Variants in PTCH1 observed in about 807,000 individuals in gnomAD.
PTCH1 encodes the protein protein patched homolog 1.
A neutral mutation model predicts 144.6 loss-of-function variants in PTCH1; 14 were observed. That is an observed-to-expected ratio of 0.10 (90% CI 0.06 to 0.15). PTCH1 has a LOEUF of 0.15. Ranked by LOEUF, PTCH1 falls within the 10% of genes least tolerant of loss-of-function variation. The pLI, the probability that PTCH1 is intolerant of heterozygous loss-of-function variation, is 1.00. For synonymous variants in PTCH1, 833 were observed against 793.6 expected (o/e 1.05, Z -0.83); for missense variants, 1,623 against 1,948.3 (o/e 0.83, Z 3.14).
intron 8 of PTCH1, 21 bp downstream of exon 8, chr9:95,478,979 C>T (rs2118363231): frequency 6.2e-7 from 1 of 1,614,138 alleles, no homozygotes; most frequent in Non-Finnish European, 8.5e-7. Context: ...AGTCTGCACG[C>T]CGATTCGAAG....
chr9:95,487,357 G>A (rs929068496), intron 2 of PTCH1, among the ~76,000 whole-genome samples: 1 of 152,182 alleles, frequency 6.6e-6, no homozygotes, highest in Non-Finnish European at 1.5e-5. Flanking sequence ...ATGCCAGGGG[G>A]CATTGCCGAG....
intron 2 of PTCH1, among the ~76,000 whole-genome samples, chr9:95,489,915 C>T (rs572932881): frequency 6.6e-6 from 1 of 151,738 alleles, no homozygotes; most frequent in South Asian, 2.1e-4. Flanking sequence ...ATTCTCCTGC[C>T]TAAGCCTCCC....
rs77120155 is a variant in PTCH1 at position 95,498,978 on chromosome 9, G to T, written c.394+7429C>A. The stretch of plus-strand genomic sequence containing the variant: ...AAGCTCCATGTGCCCACTGGCTTTG[G>T]TGGGAGTTCTAAGCAAGGAAGACCT... On this transcript the variant is annotated intron_variant, in intron 2 of 23. Transcript: ENST00000331920. Among the ~76,000 whole-genome samples the T allele has an allele frequency of 6.7e-3, 1,015 of 152,286 alleles. 15 individuals are homozygous for T. Among genetic ancestry groups the T allele is most frequent in the African/African-American group, 0.024 (978 of 41,540 alleles).
chr9:95,456,476 G>C (rs1287495132), intron 18 of PTCH1, 63 bp from the exon 19 acceptor site: 4 of 1,586,540 alleles, frequency 2.5e-6, no homozygotes, highest in Non-Finnish European at 3.4e-6. Flanking sequence ...GCCCACAAGG[G>C]AGGTCGCCAG....
upstream of PTCH1, among the ~76,000 whole-genome samples, chr9:95,511,174 A>C (rs1214436165): frequency 6.7e-6 from 1 of 149,928 alleles, no homozygotes; most frequent in East Asian, 1.9e-4. Flanking sequence ...CGCGCCGGCC[A>C]CCGGGGCGGT....
chr9:95,448,234 G>A (rs1408252038), intron 22 of PTCH1, among the ~76,000 whole-genome samples: 10 of 152,340 alleles, frequency 6.6e-5, no homozygotes, highest in East Asian at 1.9e-4. Flanking sequence ...GGGCGTCGTC[G>A]CGGGGGGTAG....
chr9:95,505,860 G>C (rs1188899356), intron 2 of PTCH1, among the ~76,000 whole-genome samples: 1 of 148,988 alleles, frequency 6.7e-6, no homozygotes, highest in Non-Finnish European at 1.5e-5. Flanking sequence ...ACACGCCGCC[G>C]CCTCCGCAGC....
At chr9:95,462,121 CCT>C (rs1839540872) in intron 15 of PTCH1, 123 bp from the exon 16 acceptor site, 3 of 1,094,732 alleles carry the variant, frequency 2.7e-6, no homozygotes, top group African/African-American at 3.1e-5. Context: ...AGAAACACAC[CCT>C]CTGTGTCCCA....
chr9:95,512,741 G>C (rs1844215940), upstream of PTCH1, among the ~76,000 whole-genome samples: 2 of 152,324 alleles, frequency 1.3e-5, no homozygotes, highest in South Asian at 4.1e-4. Context: ...GACTGGGGCA[G>C]CCAGACCTGC....
chr9:95,472,764 A>G (rs1326549172), intron 12 of PTCH1, among the ~76,000 whole-genome samples: 2 of 152,292 alleles, frequency 1.3e-5, no homozygotes, highest in African/African-American at 4.8e-5. Context: ...CATCTTACTG[A>G]CTTTCTCATA....
At chr9:95,470,773 G>A (rs1245961328) in intron 12 of PTCH1, among the ~76,000 whole-genome samples, 2 of 152,074 alleles carry the variant, frequency 1.3e-5, no homozygotes, top group Admixed American at 1.3e-4. Flanking sequence ...GCCAGACATG[G>A]CTTTGAAAAT....
At chr9:95,507,351 C>G in intron 1 of PTCH1, 2 of 985,382 alleles carry the variant, frequency 2.0e-6, no homozygotes, top group Non-Finnish European at 2.4e-6. Flanking sequence ...GCAGGCTGCT[C>G]CCCGGCGCGG....
At position 95,449,513 on chromosome 9, in the gene PTCH1, T is replaced by C; in HGVS notation, c.3550-190A>G. ...GGTCCCGCAGCTGGAGCAGAAGAAC[T>C]GTCCTCTGCTCCACACTGGAAAGGC... On this transcript the variant is annotated intron_variant, in intron 21 of 23. Transcript: ENST00000331920. The surrounding 1 kb of genome is among the most constrained non-coding windows in gnomAD (Gnocchi z 5.3). 1.3e-6 allele frequency: 1 copy of C among 763,704 alleles called. No individual in the cohort carries two copies. Among genetic ancestry groups the C allele is most frequent in the Non-Finnish European group, 2.1e-6 (1 of 466,440 alleles). The allele number at this position is 763,704 out of a possible 1,614,324, so 47.3% of individuals were successfully genotyped here.
At chr9:95,494,371 G>A (rs966237216) in intron 2 of PTCH1, 5 of 985,560 alleles carry the variant, frequency 5.1e-6, no homozygotes, top group Non-Finnish European at 6.0e-6. Context: ...TTCCCGAGAC[G>A]ACGCTGCATC....
Position 95,508,391 on chromosome 9 carries a change from G to A in PTCH1, c.-30C>T. ...CCGCCGCCGCCGCCGCCGCCGCGGGGACGGAGGCTTCCCGGGCGGCCCGGC... is the reference window on the plus strand; with the variant it reads ...CCGCCGCCGCCGCCGCCGCCGCGGGAACGGAGGCTTCCCGGGCGGCCCGGC... On this transcript the variant is annotated 5_prime_UTR_variant, in exon 1 of 24. Transcript: ENST00000331920. 5 of 1,132,086 alleles carry A rather than the reference G, an allele frequency of 4.4e-6. No individual in the cohort carries two copies. The highest frequency in any genetic ancestry group is 5.4e-6 in the Non-Finnish European group (5 of 926,416). 70.1% of individuals were successfully genotyped at this position (1,132,086 alleles called of 1,614,324 possible).
intron 22 of PTCH1, 85 bp downstream of exon 22, chr9:95,448,984 T>G: frequency 6.3e-7 from 1 of 1,578,114 alleles, no homozygotes; most frequent in Non-Finnish European, 8.7e-7. Flanking sequence ...GATGTGCTGC[T>G]CAGCAGACAG....
chr9:95,503,809 G>T (rs2048425584), intron 2 of PTCH1, among the ~76,000 whole-genome samples: 1 of 59,822 alleles, frequency 1.7e-5, no homozygotes, highest in Admixed American at 1.1e-4. Flanking sequence ...GAGGTCAGGA[G>T]ATCGAGACCA....
At chr9:95,506,726 G>T (rs1843682697) in intron 1 of PTCH1, 127 bp from the exon 2 acceptor site, 1 of 1,104,744 alleles carries the variant, frequency 9.1e-7, no homozygotes, top group Non-Finnish European at 1.2e-6. Context: ...GCGGCACACG[G>T]ACTCGCCCTC....
chr9:95,511,416 C>G (rs1034488305), upstream of PTCH1, among the ~76,000 whole-genome samples: 3 of 152,250 alleles, frequency 2.0e-5, no homozygotes, highest in African/African-American at 7.2e-5. Flanking sequence ...AACCCGCAAA[C>G]CGTATGCGGT....
Sources: gnomAD v4.1 joint callset for allele counts (sites outside exome capture counted in the v4.1 genomes callset) on GRCh38, gnomAD v4.1.1 for gene constraint, Gnocchi (gnomAD v3.1) non-coding constraint, MANE v1.5 for transcripts, NCBI Gene and HGNC (gene_info 2026-07-23, HGNC 2026-07-21) for gene names.